The following ATP2B2 variants were observed in gnomAD, a reference collection of about 807,000 sequenced individuals.
The protein encoded by ATP2B2 is ATPase plasma membrane Ca2+ transporting 2.
ATP2B2 carries 15 observed loss-of-function variants against 120.0 expected under a neutral mutation model. That is an observed-to-expected ratio of 0.12 (90% CI 0.08 to 0.19). The LOEUF is 0.19. Among genes scored for constraint, ATP2B2 ranks in the 10% least tolerant of loss-of-function variants. ATP2B2 has a pLI of 1.00. For synonymous variants in ATP2B2, 694 were observed against 700.3 expected (o/e 0.99, Z 0.14); for missense variants, 1,045 against 1,719.8 (o/e 0.61, Z 6.94).
chr3:10,597,620 G>C (rs1046303799), intron 2 of ATP2B2, among the ~76,000 whole-genome samples: 2 of 152,200 alleles, frequency 1.3e-5, no homozygotes, highest in Admixed American at 6.5e-5. Context: ...TGAGTGAAAT[G>C]GTTCAGAATG....
intron 2 of ATP2B2, among the ~76,000 whole-genome samples, chr3:10,619,186 A>T (rs2069478773): frequency 6.6e-6 from 1 of 151,944 alleles, no homozygotes; most frequent in African/African-American, 2.4e-5. Context: ...TTGTTTGTAA[A>T]CAGATGGCTC....
intron 1 of ATP2B2, among the ~76,000 whole-genome samples, chr3:10,498,997 G>A (rs570598314): frequency 1.3e-5 from 2 of 152,276 alleles, no homozygotes; most frequent in Admixed American, 6.5e-5. Flanking sequence ...ACAATCTTGT[G>A]AGGCAGGTTT....
intron 1 of ATP2B2, among the ~76,000 whole-genome samples, chr3:10,489,651 C>T (rs2065860423): frequency 6.6e-6 from 1 of 152,184 alleles, no homozygotes; most frequent in Non-Finnish European, 1.5e-5. Flanking sequence ...CCTCCCCTCT[C>T]CCTGCCTCCT....
At position 10,454,371 on chromosome 3, in the gene ATP2B2, GAA is replaced by G. The variant is rs2064179823; in HGVS notation, c.-319-4511_-319-4510del. 2.0e-5 allele frequency among the ~76,000 whole-genome samples: 3 copies of G among 152,300 alleles called. No individual in the cohort carries two copies. The South Asian group carries it at 6.2e-4, about 32-fold the overall frequency. ...TAAAAAGATGAATCATGAAGAAACTGAAATACACAACTGTCTGCTAGTAAAAG... is the reference window on the plus strand; with the variant it reads ...TAAAAAGATGAATCATGAAGAAACTGATACACAACTGTCTGCTAGTAAAAG... On this transcript the variant is annotated intron_variant, in intron 1 of 22. Transcript: ENST00000360273.
At chr3:10,380,528 T>C (rs879508319) in intron 8 of ATP2B2, among the ~76,000 whole-genome samples, 1 of 152,180 alleles carries the variant, frequency 6.6e-6, no homozygotes, top group Non-Finnish European at 1.5e-5. Flanking sequence ...ATTATACCCA[T>C]TTATGGATGA....
At chr3:10,656,382 A>T (rs1488748163) in intron 1 of ATP2B2, among the ~76,000 whole-genome samples, 1 of 152,142 alleles carries the variant, frequency 6.6e-6, no homozygotes, top group Non-Finnish European at 1.5e-5. Context: ...ATCCCAGAGC[A>T]CTCTGCAGAT....
At chr3:10,391,702 A>T (rs2061855701) in intron 5 of ATP2B2, among the ~76,000 whole-genome samples, 1 of 152,070 alleles carries the variant, frequency 6.6e-6, no homozygotes, top group Non-Finnish European at 1.5e-5. Flanking sequence ...GGGCATCTAC[A>T]ATCCCCAGTC....
At chr3:10,431,162 GA>G (rs2063303235) in intron 2 of ATP2B2, among the ~76,000 whole-genome samples, 2 of 152,154 alleles carry the variant, frequency 1.3e-5, no homozygotes, top group Admixed American at 6.5e-5. Flanking sequence ...AAGATGCTGT[GA>G]ACATTGTTGA....
chr3:10,658,813 T>C (rs1375082116), intron 1 of ATP2B2, among the ~76,000 whole-genome samples: 1 of 151,748 alleles, frequency 6.6e-6, no homozygotes, highest in Non-Finnish European at 1.5e-5. Flanking sequence ...GAAGTTGAAA[T>C]GAAGGAAAAA....
chr3:10,626,124 G>GA (rs996797127), intron 1 of ATP2B2: 3 of 152,058 alleles, frequency 2.0e-5, no homozygotes, highest in African/African-American at 7.2e-5. Context: ...TGGAGGGAGG[G>GA]AAAGAAACAA....
rs114317351 is a variant in ATP2B2, at chr3:10,413,519, C to T, written c.200-2704G>A. On this transcript the variant is annotated intron_variant, in intron 2 of 22. Transcript: ENST00000360273. ...AGGCTGCCCTGAGACCAAGCTGCTG[C>T]TGTGGGGCAGCTCCTAGGCCCTGAG... 9.1e-3 allele frequency among the ~76,000 whole-genome samples: 1,388 copies of T among 152,316 alleles called. 26 individuals carry two copies. The highest frequency in any genetic ancestry group is 0.03 in the African/African-American group (1,256 of 41,574).
At chr3:10,345,027 C>T (rs1306612054) in intron 18 of ATP2B2, among the ~76,000 whole-genome samples, 1 of 152,238 alleles carries the variant, frequency 6.6e-6, no homozygotes, top group East Asian at 1.9e-4. Context: ...CCCTGGCCTG[C>T]CCCTCCCTGC....
rs373465967 is a variant in ATP2B2 at position 10,371,350 on chromosome 3, C to T, written c.1659+459G>A. 2.4e-4 allele frequency among the ~76,000 whole-genome samples: 37 copies of T among 152,320 alleles called. No individual in the cohort carries two copies. The East Asian group carries it at 4.2e-3, about 17-fold the overall frequency. On this transcript the variant is annotated intron_variant, in intron 12 of 22. Coordinates refer to ENST00000360273, the MANE Select transcript of ATP2B2 (RefSeq NM_001001331.4). ...ATGCCAAGTCAGCCTACAGTTCTGC[C>T]AAGATCAGAGGAGATGTCCACATGA...
intron 1 of ATP2B2, among the ~76,000 whole-genome samples, chr3:10,686,984 G>A (rs1034907974): frequency 7.2e-5 from 11 of 152,214 alleles, no homozygotes; most frequent in Admixed American, 6.5e-4. Flanking sequence ...AGGCACAGTT[G>A]AGGGGCTAGA....
At chr3:10,677,353 A>G (rs1321215963) in intron 1 of ATP2B2, among the ~76,000 whole-genome samples, 1 of 152,234 alleles carries the variant, frequency 6.6e-6, no homozygotes, top group African/African-American at 2.4e-5. Flanking sequence ...CACTCTGGAA[A>G]AGGCAAAACT....
At chr3:10,591,707 T>G (rs1049033074) in intron 2 of ATP2B2, among the ~76,000 whole-genome samples, 1 of 152,210 alleles carries the variant, frequency 6.6e-6, no homozygotes, top group Admixed American at 6.5e-5. Flanking sequence ...ATGCCAAGAA[T>G]TCTAACAGCC....
chr3:10,588,821 G>A (rs890728633), intron 2 of ATP2B2, among the ~76,000 whole-genome samples: 3 of 152,098 alleles, frequency 2.0e-5, no homozygotes, highest in African/African-American at 7.2e-5. Context: ...TTAAGTGACT[G>A]GAAATTCAAG....
At chr3:10,334,227 A>G (rs35677) in intron 22 of ATP2B2, among the ~76,000 whole-genome samples, 67,237 of 152,056 alleles carry the variant, frequency 0.44, 15,612 homozygotes, top group South Asian at 0.62. Flanking sequence ...AAGAGGCTCA[A>G]CTGGGATGGA....
At chr3:10,559,320 G>A (rs2067849892) in intron 2 of ATP2B2, among the ~76,000 whole-genome samples, 1 of 152,160 alleles carries the variant, frequency 6.6e-6, no homozygotes, top group South Asian at 2.1e-4. Flanking sequence ...GTGCTTTATA[G>A]CACTATCGGG....
Sources: allele counts gnomAD v4.1 joint callset (sites outside exome capture counted in the v4.1 genomes callset), GRCh38; gene constraint gnomAD v4.1.1; transcripts MANE v1.5; gene names NCBI Gene and HGNC (gene_info 2026-07-23, HGNC 2026-07-21).